RIPK2: variants seen among roughly 807,000 people sequenced by gnomAD.
RIPK2 encodes the protein receptor interacting serine/threonine kinase 2.
RIPK2 carries 38 observed loss-of-function variants against 60.9 expected under a neutral mutation model. The ratio of observed to expected loss-of-function variants is 0.62; its 90% CI spans 0.48 to 0.82. The LOEUF is 0.82. RIPK2 is among the 40% of genes least tolerant of loss of function. RIPK2 has a pLI of 0.00. For missense variants in RIPK2, 518 were observed against 647.0 expected (o/e 0.80, Z 2.16); for synonymous variants, 225 against 223.4 (o/e 1.01, Z -0.06).
At position 89,757,850 on chromosome 8, in the gene RIPK2, A is replaced by T; in HGVS notation, c.-211A>T. 7.6e-7 allele frequency: 1 copy of T among 1,321,632 alleles called. No individual in the cohort carries two copies. The highest frequency in any genetic ancestry group is 9.7e-7 in the Non-Finnish European group (1 of 1,035,798). The allele number at this position is 1,321,632 out of a possible 1,614,324, so 81.9% of individuals were successfully genotyped here. A position where few individuals can be genotyped will look rare whatever the true frequency, so the allele number is the denominator to read the frequency against. ...CGCTACGGCGTTGGCACCAGTCTCT[A>T]GAAAAGAAGTCAGCTCTGGTTCGGA... On this transcript the variant is annotated 5_prime_UTR_variant, in exon 1 of 11. Coordinates refer to ENST00000220751, the MANE Select transcript of RIPK2 (RefSeq NM_003821.6).
chr8:89,774,046 A>G (rs941393704), intron 6 of RIPK2, among the ~76,000 whole-genome samples: 67 of 152,028 alleles, frequency 4.4e-4, no homozygotes, highest in African/African-American at 1.3e-3. Context: ...GATCGTGCCT[A>G]TGAATAGCTA....
chr8:89,776,600 G>A (rs951813346), intron 6 of RIPK2, among the ~76,000 whole-genome samples: 2 of 152,168 alleles, frequency 1.3e-5, no homozygotes, highest in African/African-American at 4.8e-5. Flanking sequence ...TAATGTCTTA[G>A]TACTTGTTAT....
chr8:89,786,613 G>A lies in RIPK2; in HGVS notation c.1050G>A (p.Gln350=), dbSNP rs772697211. Reference sequence around the variant, plus strand: ...TTTAGGAATCATGTGGATCCTCTCAGCTCCATGAAAATAGTGGTTCTCCTG... The same window carrying A: ...TTTAGGAATCATGTGGATCCTCTCAACTCCATGAAAATAGTGGTTCTCCTG... ...GPQEESCGSS[Q]LHENSGSPET... The change falls in exon 9 of 11, where the codon CAG becomes CAA. Residue 350 remains glutamine, a synonymous_variant. Coordinates refer to ENST00000220751, the MANE Select transcript of RIPK2 (RefSeq NM_003821.6). 3.1e-6 allele frequency: 5 copies of A among 1,594,428 alleles called. No homozygotes were observed. The highest frequency in any genetic ancestry group is 4.3e-6 in the Non-Finnish European group (5 of 1,165,016).
chr8:89,789,489 AT>A lies in RIPK2; in HGVS notation c.1285+10del, dbSNP rs967922498. ...TCAACTGCAGGAAACTCAGGTAAAT[AT>A]TTACTGTGAAACACCTTGTAAGTGA... On this transcript the variant is annotated splice_region_variant and intron_variant, in intron 10 of 10. Coordinates refer to ENST00000220751, the MANE Select transcript of RIPK2 (RefSeq NM_003821.6). The A allele has an allele frequency of 3.1e-6, 5 of 1,611,578 alleles. No individual in the cohort carries two copies. The Admixed American group carries it at 8.4e-5, about 27-fold the overall frequency.
In RIPK2 at chr8:89,784,078, T is replaced by C. The variant is rs778810847; in HGVS notation, c.968T>C (p.Leu323Pro). The change falls in exon 8 of 11, where the codon CTA becomes CCA. Residue 323 changes from leucine to proline, a missense_variant. This residue lies in a region of RIPK2 where 448 missense variants were observed against 534.7 expected (regional missense o/e 0.84). Transcript: ENST00000220751. ...KLQSVSSAIH[L>P]CDKKKMELSL... ...CAGAGTGTTTCAAGTGCCATTCACC[T>C]ATGTGACAAGAAGAAAATGGAATTA... 2 of 1,578,198 alleles carry C rather than the reference T, an allele frequency of 1.3e-6. No individual in the cohort carries two copies. The highest frequency in any genetic ancestry group is 1.4e-5 in the African/African-American group (1 of 70,802).
At chr8:89,768,967 C>G (rs1809271430) in intron 3 of RIPK2, among the ~76,000 whole-genome samples, 1 of 151,664 alleles carries the variant, frequency 6.6e-6, no homozygotes, top group Admixed American at 6.6e-5. Flanking sequence ...TTTAGGATTT[C>G]CCATACTCCC....
chr8:89,772,552 G>A (rs1809331432), intron 5 of RIPK2, 115 bp from the exon 6 acceptor site: 1 of 691,890 alleles, frequency 1.4e-6, no homozygotes, highest in Non-Finnish European at 2.3e-6. Flanking sequence ...AGGGGGGTAA[G>A]GCATCATTCC....
chr8:89,789,655 T>C (rs1809643199), intron 10 of RIPK2, among the ~76,000 whole-genome samples, 173 bp downstream of exon 10: 1 of 152,144 alleles, frequency 6.6e-6, no homozygotes, highest in Non-Finnish European at 1.5e-5. Flanking sequence ...ATGGCCCAAA[T>C]GGTATTCTAT....
intron 8 of RIPK2, among the ~76,000 whole-genome samples, chr8:89,784,340 A>G (rs541031845): frequency 6.6e-6 from 1 of 152,268 alleles, no homozygotes; most frequent in African/African-American, 2.4e-5. Flanking sequence ...TCATCCCATC[A>G]AATCACAATT....
intron 6 of RIPK2, among the ~76,000 whole-genome samples, chr8:89,773,816 G>A (rs1449718871): frequency 6.6e-6 from 1 of 152,142 alleles, no homozygotes; most frequent in Non-Finnish European, 1.5e-5. Context: ...CTAGGGTTAG[G>A]CAGAATCTTT....
At position 89,783,077 on chromosome 8, in the gene RIPK2, T is replaced by A. The variant is rs1809526724; in HGVS notation, c.940-973T>A. ...TAGGTACATTATATACACAGATGAATAAGAGTAATTTCCTTCTGAAGTTCC... is the reference window on the plus strand; with the variant it reads ...TAGGTACATTATATACACAGATGAAAAAGAGTAATTTCCTTCTGAAGTTCC... On this transcript the variant is annotated intron_variant, in intron 7 of 10. Coordinates refer to ENST00000220751, the MANE Select transcript of RIPK2 (RefSeq NM_003821.6). Among the ~76,000 whole-genome samples the A allele has an allele frequency of 2.6e-5, 4 of 152,336 alleles. No homozygotes were observed. In the South Asian group the frequency reaches 8.3e-4, roughly 32 times the overall value.
At chr8:89,768,695 A>T (rs1320958708) in intron 3 of RIPK2, among the ~76,000 whole-genome samples, 1 of 151,270 alleles carries the variant, frequency 6.6e-6, no homozygotes, top group Admixed American at 6.6e-5. Flanking sequence ...GATTATTTTT[A>T]TTTTTTTTCT....
rs1340948932 is a variant in RIPK2, at chr8:89,777,194, G to A, written c.854-2881G>A. Among the ~76,000 whole-genome samples the A allele has an allele frequency of 2.6e-5, 4 of 152,364 alleles. No homozygotes were observed. The East Asian group carries it at 7.7e-4, about 29-fold the overall frequency. Reference sequence around the variant, plus strand: ...AGTGGAGCACTGATCAGTACAGGGTGAAGTCAGTAAGCCAAAAGCCAAAAT... The same window carrying A: ...AGTGGAGCACTGATCAGTACAGGGTAAAGTCAGTAAGCCAAAAGCCAAAAT... On this transcript the variant is annotated intron_variant, in intron 6 of 10. Coordinates refer to ENST00000220751, the MANE Select transcript of RIPK2 (RefSeq NM_003821.6).
intron 7 of RIPK2, among the ~76,000 whole-genome samples, chr8:89,781,307 T>C (rs1042094952): frequency 6.6e-6 from 1 of 151,726 alleles, no homozygotes; most frequent in Non-Finnish European, 1.5e-5. Context: ...TCTGAGTAGG[T>C]AGTGTTTTCC....
At chr8:89,777,118 G>A (rs1809410911) in intron 6 of RIPK2, among the ~76,000 whole-genome samples, 1 of 152,190 alleles carries the variant, frequency 6.6e-6, no homozygotes, top group South Asian at 2.1e-4. Context: ...AAGGGAAAAG[G>A]TACACAGAGT....
chr8:89,785,778 G>A (rs968525956), intron 8 of RIPK2, among the ~76,000 whole-genome samples: 1 of 152,158 alleles, frequency 6.6e-6, no homozygotes, highest in Non-Finnish European at 1.5e-5. Context: ...CATATTTTTA[G>A]ATAGACAGTG....
intron 4 of RIPK2, among the ~76,000 whole-genome samples, chr8:89,771,496 A>G (rs533628504): frequency 2.0e-5 from 3 of 152,076 alleles, no homozygotes; most frequent in East Asian, 3.9e-4. Context: ...AATCATCCAC[A>G]AAAAGTTAAT....
At position 89,789,428 on chromosome 8, in the gene RIPK2, A is replaced by G. The variant is rs148803672; in HGVS notation, c.1231A>G (p.Thr411Ala). 3 of 1,613,992 alleles carry G rather than the reference A, an allele frequency of 1.9e-6. No homozygotes were observed. The Admixed American group carries it at 5.0e-5, about 27-fold the overall frequency. The change falls in exon 10 of 11, where the codon ACC (threonine) becomes GCC (alanine). Residue 411 changes from threonine (T) to alanine (A), a missense_variant. Around this residue, in one of 3 missense-constraint regions of RIPK2, gnomAD observed 448 missense variants for 534.7 expected, o/e 0.84. Coordinates refer to ENST00000220751, the MANE Select transcript of RIPK2 (RefSeq NM_003821.6). ...SQRAAFCDHK[T>A]TPCSSAIINP... ...AAGGGCTGCATTCTGTGATCACAAG[A>G]CCACTCCATGCTCTTCAGCAATAAT...
In RIPK2 at chr8:89,790,167, G is replaced by A; in HGVS notation, c.1374G>A (p.Gln458=). 2 of 1,614,094 alleles carry A rather than the reference G, an allele frequency of 1.2e-6. No individual in the cohort carries two copies. The highest frequency in any genetic ancestry group is 1.7e-6 in the Non-Finnish European group (2 of 1,179,974). ...VNQMTEACLN[Q]SLDALLSRDL... ...AAATGACAGAAGCCTGCCTTAACCA[G>A]TCGCTAGATGCCCTTCTGTCCAGGG... Residue 458 remains glutamine (Q), a synonymous_variant, in exon 11 of 11, where the codon CAG becomes CAA. Transcript: ENST00000220751.
Sources: allele counts gnomAD v4.1 joint callset (sites outside exome capture counted in the v4.1 genomes callset), GRCh38; gene constraint gnomAD v4.1.1; regional missense constraint gnomAD v4.1.1; transcripts MANE v1.5; gene names NCBI Gene and HGNC (gene_info 2026-07-23, HGNC 2026-07-21).